POTEM: variants seen among roughly 807,000 people sequenced by gnomAD.
POTEM encodes POTE ankyrin domain family member M, also known as putative POTE ankyrin domain family member M.
For synonymous variants in POTEM, 8 were observed against 113.2 expected (o/e 0.07, Z 5.90); for missense variants, 24 against 343.0 (o/e 0.07, Z 7.35).
At chr14:18,968,781 C>G (rs1419961118) in intron 1 of POTEM, among the ~76,000 whole-genome samples, 1 of 152,308 alleles carries the variant, frequency 6.6e-6, no homozygotes, top group East Asian at 1.9e-4. Context: ...CGAGATCACG[C>G]CACTGTACTC....
In POTEM at chr14:18,985,463, T is replaced by G. The variant is rs567351307; in HGVS notation, c.1179T>G (p.Ser393Arg). ...SEEESQRLKG[S>R]ENSQPEEMSQ... ...AAGAGTCACAAAGGCTTAAAGGAAG[T>G]GAAAATAGCCAGCCAGAGGCATGGA... The change falls in exon 7 of 11, where the codon AGT (serine) becomes AGG (arginine). Residue 393 changes from serine (S) to arginine (R), a missense_variant. Coordinates refer to ENST00000547889, the MANE Select transcript of POTEM (RefSeq NM_001145442.1). 2 of 1,431,448 alleles carry G rather than the reference T, an allele frequency of 1.4e-6. No individual in the cohort carries two copies. The highest frequency in any genetic ancestry group is 2.3e-5 in the East Asian group (1 of 43,326). The allele number at this position is 1,431,448 out of a possible 1,614,324, so 88.7% of individuals were successfully genotyped here. A position where few individuals can be genotyped will look rare whatever the true frequency, so the allele number is the denominator to read the frequency against.
intron 9 of POTEM, among the ~76,000 whole-genome samples, chr14:18,996,255 G>A (rs1891297891): frequency 6.6e-6 from 1 of 151,310 alleles, no homozygotes; most frequent in South Asian, 2.1e-4. Context: ...TTAATTCAAA[G>A]TCCTATGTTA....
At chr14:18,984,470 ATGTGCAAGACTCTCCCC>A (rs1211888956) in intron 6 of POTEM, among the ~76,000 whole-genome samples, 10 of 94,828 alleles carry the variant, frequency 1.1e-4, no homozygotes, top group Non-Finnish European at 2.0e-4. Context: ...TACAAAGATG[ATGTGCAAGACTCTCCCC>A]TGCAGTTTTG....
At chr14:18,981,751 T>C (rs1382995069) in intron 6 of POTEM, among the ~76,000 whole-genome samples, 88 of 149,536 alleles carry the variant, frequency 5.9e-4, no homozygotes, top group Admixed American at 2.3e-3. Flanking sequence ...CTTTTGCTAA[T>C]ACCAAAAGTG....
chr14:18,982,805 T>C (rs1448286582), intron 6 of POTEM, among the ~76,000 whole-genome samples: 1 of 67,074 alleles, frequency 1.5e-5, no homozygotes, highest in South Asian at 4.3e-4. Context: ...TTAATTTTTT[T>C]CCCGTAAGAA....
intron 6 of POTEM, among the ~76,000 whole-genome samples, chr14:18,982,725 GT>G (rs1204949917): frequency 1.3e-5 from 1 of 78,692 alleles, no homozygotes; most frequent in African/African-American, 4.4e-5. Context: ...TCAATTACTC[GT>G]TTTAATATGT....
chr14:18,968,504 A>T (rs1890817256), intron 1 of POTEM, among the ~76,000 whole-genome samples: 1 of 152,006 alleles, frequency 6.6e-6, no homozygotes. Context: ...GTGCTTGAAT[A>T]GGAAGATTGA....
intron 3 of POTEM, among the ~76,000 whole-genome samples, chr14:18,975,480 G>T (rs1487472693): frequency 6.8e-6 from 1 of 147,996 alleles, no homozygotes; most frequent in South Asian, 2.1e-4. Flanking sequence ...GTAGTCCTAT[G>T]AACTGATTAT....
At chr14:18,981,405 CATT>C (rs1169278701) in intron 6 of POTEM, among the ~76,000 whole-genome samples, 1,038 of 60,540 alleles carry the variant, frequency 0.017, 65 homozygotes, top group African/African-American at 0.041. Flanking sequence ...TTGTCATTTT[CATT>C]ATTTTACTAC....
At chr14:18,968,940 AT>A (rs1258050201) in intron 1 of POTEM, among the ~76,000 whole-genome samples, 3 of 149,614 alleles carry the variant, frequency 2.0e-5, no homozygotes, top group African/African-American at 4.9e-5. Flanking sequence ...TGCTAAGTTA[AT>A]TTTTTTGTAG....
intron 1 of POTEM, among the ~76,000 whole-genome samples, chr14:18,968,822 C>CAAA (rs71222663): frequency 0.072 from 9,838 of 137,434 alleles, 1 homozygote; most frequent in African/African-American, 0.16. Context: ...GACTCCGTCT[C>CAAA]AAAAAAAAAA....
chr14:18,981,489 A>G (rs1231324017), intron 6 of POTEM, among the ~76,000 whole-genome samples: 2 of 141,194 alleles, frequency 1.4e-5, no homozygotes, highest in East Asian at 2.0e-4. Context: ...TATATTGATT[A>G]TGTGCCAGAC....
At chr14:18,969,321 A>ATG (rs1193443665) in intron 1 of POTEM, among the ~76,000 whole-genome samples, 116 of 103,418 alleles carry the variant, frequency 1.1e-3, no homozygotes, top group Middle Eastern at 0.011. Context: ...ATATATGTAT[A>ATG]TATATATATA....
chr14:18,986,248 C>A (rs1217835438), intron 7 of POTEM, among the ~76,000 whole-genome samples: 4 of 139,326 alleles, frequency 2.9e-5, no homozygotes, highest in African/African-American at 1.1e-4. Flanking sequence ...CACTGATGGT[C>A]CCTGAGCTGG....
chr14:18,986,979 CAT>C (rs1891199329), intron 7 of POTEM, among the ~76,000 whole-genome samples, 188 bp from the exon 8 acceptor site: 1 of 142,524 alleles, frequency 7.0e-6, no homozygotes, highest in South Asian at 2.2e-4. Flanking sequence ...GGTAGCTAAA[CAT>C]AGATTAAAAA....
intron 1 of POTEM, among the ~76,000 whole-genome samples, chr14:18,969,357 G>GTATGTA (rs1555341479): frequency 3.6e-4 from 38 of 105,350 alleles, no homozygotes; most frequent in Non-Finnish European, 5.3e-4. Flanking sequence ...ATATACATGT[G>GTATGTA]TATATATATA....
chr14:18,969,368 T>TATATAC (rs1172996504), intron 1 of POTEM, among the ~76,000 whole-genome samples: 2 of 134,576 alleles, frequency 1.5e-5, no homozygotes, highest in African/African-American at 6.0e-5. Flanking sequence ...TATATATATA[T>TATATAC]ATATATATAT....
At chr14:18,991,218 A>G (rs1391063439) in intron 9 of POTEM, among the ~76,000 whole-genome samples, 1 of 116,800 alleles carries the variant, frequency 8.6e-6, no homozygotes, top group Admixed American at 9.3e-5. Context: ...TATGCTAGTG[A>G]TTTCCAAATG....
At chr14:18,985,812 G>A (rs1330133869) in intron 7 of POTEM, among the ~76,000 whole-genome samples, 2 of 144,374 alleles carry the variant, frequency 1.4e-5, no homozygotes, top group Non-Finnish European at 3.0e-5. Flanking sequence ...GGCTGAGGCA[G>A]GAGAATGCCA....
Sources: gnomAD v4.1 joint callset for allele counts (sites outside exome capture counted in the v4.1 genomes callset) on GRCh38, gnomAD v4.1.1 for gene constraint, MANE v1.5 for transcripts, NCBI Gene and HGNC (gene_info 2026-07-23, HGNC 2026-07-21) for gene names.